Variants in SHISA9 observed in about 807,000 individuals in gnomAD.
The protein encoded by SHISA9 is protein shisa-9.
In SHISA9, 13 loss-of-function variants were observed where a neutral mutation model predicts 38.0. The observed-to-expected ratio is 0.34, with a 90% confidence interval of 0.22 to 0.54. The LOEUF (loss-of-function observed/expected upper bound fraction) is 0.54, where lower values mean the gene tolerates loss of function less well. SHISA9 is among the 20% of genes least tolerant of loss of function. SHISA9 has a pLI of 0.91. For missense variants in SHISA9, 538 were observed against 575.8 expected (o/e 0.93, Z 0.67); for synonymous variants, 275 against 242.0 (o/e 1.14, Z -1.27).
chr16:13,090,744 G>C (rs1481779017), intron 2 of SHISA9, among the ~76,000 whole-genome samples: 3 of 152,132 alleles, frequency 2.0e-5, no homozygotes, highest in African/African-American at 7.2e-5. Flanking sequence ...GATGGGTCTT[G>C]ATTCTTTGTC....
At chr16:12,963,092 G>A (rs1019855546) in intron 2 of SHISA9, among the ~76,000 whole-genome samples, 14 of 152,180 alleles carry the variant, frequency 9.2e-5, no homozygotes, top group South Asian at 2.1e-4. Context: ...GCTTAGGTTC[G>A]CCACAGTTGT....
the SHISA9 span, among the ~76,000 whole-genome samples, chr16:13,351,339 C>T: frequency 6.6e-6 from 1 of 152,092 alleles, no homozygotes; most frequent in Admixed American, 6.5e-5. Flanking sequence ...ACATACTCCT[C>T]CGTATAACAT....
At chr16:13,375,123 C>T in the SHISA9 span, among the ~76,000 whole-genome samples, 1 of 152,100 alleles carries the variant, frequency 6.6e-6, no homozygotes, top group Non-Finnish European at 1.5e-5. Context: ...CTGTAGGTTG[C>T]CTGTTCACTC....
At chr16:13,096,507 G>T (rs980182832) in intron 2 of SHISA9, among the ~76,000 whole-genome samples, 3 of 152,204 alleles carry the variant, frequency 2.0e-5, no homozygotes, top group Non-Finnish European at 4.4e-5. Flanking sequence ...GGATCCTGAT[G>T]CAAGACTCAT....
At chr16:13,295,505 G>A in the SHISA9 span, among the ~76,000 whole-genome samples, 1 of 152,144 alleles carries the variant, frequency 6.6e-6, no homozygotes, top group Non-Finnish European at 1.5e-5. Context: ...TATCAGGTAG[G>A]CACTGCCTGA....
intron 2 of SHISA9, among the ~76,000 whole-genome samples, chr16:13,056,763 G>C (rs1008058331): frequency 1.3e-5 from 2 of 152,198 alleles, no homozygotes; most frequent in Non-Finnish European, 2.9e-5. Flanking sequence ...TGCTTAAAAG[G>C]ACTGCCAAAC....
At chr16:12,948,304 T>G (rs2071712554) in intron 2 of SHISA9, among the ~76,000 whole-genome samples, 1 of 152,168 alleles carries the variant, frequency 6.6e-6, no homozygotes, top group Admixed American at 6.5e-5. Context: ...TATATGATAC[T>G]GCACTCAAGG....
rs1156705123 is a variant in SHISA9, at chr16:13,181,267, TTATATATA to T, written c.692-22088_692-22081del. Among the ~76,000 whole-genome samples, 455 of 79,984 alleles carry T rather than the reference TTATATATA, an allele frequency of 5.7e-3. 5 individuals are homozygous for T. Among genetic ancestry groups the T allele is most frequent in the South Asian group, 0.015 (33 of 2,222 alleles). 52.5% of individuals were successfully genotyped at this position (79,984 alleles called of 152,430 possible). Reference sequence around the variant, plus strand: ...AGAAAGTCTTTCCTAAAATAAAATTTTATATATATATATATATATATATATATATATAT... The same window carrying T: ...AGAAAGTCTTTCCTAAAATAAAATTTTATATATATATATATATATATATAT... On this transcript the variant is annotated intron_variant, in intron 2 of 4. Transcript: ENST00000558583.
chr16:13,101,936 C>T (rs1269332696), intron 2 of SHISA9, among the ~76,000 whole-genome samples: 2 of 152,220 alleles, frequency 1.3e-5, no homozygotes, highest in East Asian at 3.9e-4. Flanking sequence ...TCTCTTGATG[C>T]AAAGCATCAG....
chr16:13,554,238 A>T, the SHISA9 span, among the ~76,000 whole-genome samples: 1 of 150,028 alleles, frequency 6.7e-6, no homozygotes, highest in Non-Finnish European at 1.5e-5. Context: ...AGCCATTCTG[A>T]TTGGTTCAAA....
At chr16:13,492,862 A>T in the SHISA9 span, among the ~76,000 whole-genome samples, 1 of 152,194 alleles carries the variant, frequency 6.6e-6, no homozygotes, top group African/African-American at 2.4e-5. Flanking sequence ...AGAGCATTGC[A>T]GGGTAAAGGA....
the SHISA9 span, among the ~76,000 whole-genome samples, chr16:13,372,588 C>A: frequency 6.6e-6 from 1 of 152,190 alleles, no homozygotes; most frequent in Non-Finnish European, 1.5e-5. Context: ...ACATTTGAGA[C>A]CACAGACCTT....
chr16:12,903,708 A>C (rs1365095952), intron 1 of SHISA9, among the ~76,000 whole-genome samples: 1 of 151,856 alleles, frequency 6.6e-6, no homozygotes, highest in Non-Finnish European at 1.5e-5. Flanking sequence ...CATAAGCTTT[A>C]ACTGTCCCCT....
the SHISA9 span, among the ~76,000 whole-genome samples, chr16:13,339,681 C>T: frequency 3.3e-5 from 5 of 152,104 alleles, no homozygotes; most frequent in African/African-American, 7.2e-5. Context: ...GAGAGTATAA[C>T]AGCATGGTGT....
At chr16:13,265,956 A>G in the SHISA9 span, among the ~76,000 whole-genome samples, 1 of 152,224 alleles carries the variant, frequency 6.6e-6, no homozygotes, top group East Asian at 1.9e-4. Flanking sequence ...AGGGTTGGAC[A>G]CTGAGAATTT....
chr16:13,501,152 A>G, the SHISA9 span, among the ~76,000 whole-genome samples: 2 of 152,184 alleles, frequency 1.3e-5, no homozygotes, highest in African/African-American at 4.8e-5. Flanking sequence ...CCCAGGAAAC[A>G]TTTGGGAATT....
intron 2 of SHISA9, among the ~76,000 whole-genome samples, chr16:13,106,966 T>TTCTCTC (rs56109043): frequency 5.9e-4 from 86 of 145,316 alleles, no homozygotes; most frequent in African/African-American, 1.7e-3. Flanking sequence ...CTTTCTCACG[T>TTCTCTC]TCTCTCTCTC....
chr16:13,329,705 A>G, the SHISA9 span, among the ~76,000 whole-genome samples: 1 of 152,212 alleles, frequency 6.6e-6, no homozygotes, highest in East Asian at 1.9e-4. Context: ...GATGAAAAGA[A>G]CAGCAGAAAG....
chr16:13,194,140 T>C (rs2050914417), intron 2 of SHISA9, among the ~76,000 whole-genome samples: 1 of 152,058 alleles, frequency 6.6e-6, no homozygotes, highest in Non-Finnish European at 1.5e-5. Flanking sequence ...CCCATTCCTC[T>C]CTGGTCCATT....
Sources: gnomAD v4.1 joint callset for allele counts (sites outside exome capture counted in the v4.1 genomes callset) on GRCh38, gnomAD v4.1.1 for gene constraint, MANE v1.5 for transcripts, NCBI Gene and HGNC (gene_info 2026-07-23, HGNC 2026-07-21) for gene names.